Variants in ST6GALNAC5 observed in about 807,000 individuals in gnomAD.
ST6GALNAC5 encodes the protein ST6 N-acetylgalactosaminide alpha-2,6-sialyltransferase 5.
In ST6GALNAC5, 27 loss-of-function variants were observed where a neutral mutation model predicts 33.6. That is an observed-to-expected ratio of 0.80 (90% CI 0.59 to 1.11). The LOEUF is 1.11. ST6GALNAC5 is among the 50% of genes least tolerant of loss of function. The pLI is 0.00. For synonymous variants in ST6GALNAC5, 194 were observed against 171.2 expected, an observed-to-expected ratio of 1.13 and a Z score of -1.04; for missense variants, 428 against 454.0, an observed-to-expected ratio of 0.94 and a Z score of 0.52.
chr1:76,940,658 C>T (rs1374558013), intron 2 of ST6GALNAC5, among the ~76,000 whole-genome samples: 1 of 152,040 alleles, frequency 6.6e-6, no homozygotes, highest in African/African-American at 2.4e-5. Context: ...TTCTTTGCCC[C>T]AGCTAGAGAA....
At chr1:77,036,790 G>A (rs2100454244) in intron 2 of ST6GALNAC5, among the ~76,000 whole-genome samples, 1 of 152,372 alleles carries the variant, frequency 6.6e-6, no homozygotes, top group African/African-American at 2.4e-5. Context: ...AAGATACTGT[G>A]TGAATAACAC....
chr1:76,961,456 T>C (rs1173263664), intron 2 of ST6GALNAC5, among the ~76,000 whole-genome samples: 2 of 152,180 alleles, frequency 1.3e-5, no homozygotes, highest in African/African-American at 2.4e-5. Context: ...AGCCCATCAA[T>C]GGTTTTCATT....
In ST6GALNAC5 at chr1:76,985,909, G is replaced by T. The variant is rs543250973; in HGVS notation, c.262-58295G>T. On this transcript the variant is annotated intron_variant, in intron 2 of 4. Transcript: ENST00000477717. ...CTGACAAAAACAAGAAATGGGGAAA[G>T]AATTCCCTATTTAATAAATGGTGTT... 2.2e-3 allele frequency among the ~76,000 whole-genome samples: 334 copies of T among 152,268 alleles called. 1 individual carries two copies. The highest frequency in any genetic ancestry group is 3.4e-3 in the Middle Eastern group (1 of 294).
chr1:76,933,250 A>G (rs1020327107), intron 2 of ST6GALNAC5, among the ~76,000 whole-genome samples: 1 of 152,016 alleles, frequency 6.6e-6, no homozygotes. Flanking sequence ...ACAAAGGTCG[A>G]CATTCAGATC....
At chr1:77,014,662 A>G (rs6666796) in intron 2 of ST6GALNAC5, among the ~76,000 whole-genome samples, 40,137 of 152,048 alleles carry the variant, frequency 0.26, 5,587 homozygotes, top group African/African-American at 0.36. Flanking sequence ...AAGCAGAGAC[A>G]CAGACTCGGA....
At chr1:76,979,533 C>T (rs1432741390) in intron 2 of ST6GALNAC5, among the ~76,000 whole-genome samples, 1 of 152,128 alleles carries the variant, frequency 6.6e-6, no homozygotes, top group Non-Finnish European at 1.5e-5. Flanking sequence ...GGGGAAAGAG[C>T]AGCCTCTTCA....
rs1055154322 is a variant in ST6GALNAC5, at chr1:77,067,196, G to A, written c.*3990G>A. Among the ~76,000 whole-genome samples the A allele has an allele frequency of 6.6e-6, 1 of 152,164 alleles. No individual in the cohort carries two copies. Among genetic ancestry groups the A allele is most frequent in the Non-Finnish European group, 1.5e-5 (1 of 68,022 alleles). ...GTGTGAACCAATTGCCTAGGTGTTA[G>A]CACATGCCAGAAGGTACTTTGGAAT... On this transcript the variant is annotated 3_prime_UTR_variant, in exon 5 of 5. Coordinates refer to ENST00000477717, the MANE Select transcript of ST6GALNAC5 (RefSeq NM_030965.3).
intron 2 of ST6GALNAC5, among the ~76,000 whole-genome samples, chr1:76,923,524 CT>C (rs1434113996): frequency 6.6e-6 from 1 of 152,024 alleles, no homozygotes; most frequent in Non-Finnish European, 1.5e-5. Context: ...GAAACCCCGT[CT>C]GTACTAAAAA....
intron 2 of ST6GALNAC5, among the ~76,000 whole-genome samples, chr1:76,993,966 T>C (rs993312704): frequency 1.3e-5 from 2 of 152,206 alleles, no homozygotes; most frequent in Non-Finnish European, 2.9e-5. Flanking sequence ...TTTCACCTAA[T>C]ATTAGAGGGG....
At chr1:76,910,793 T>C (rs971045715) in intron 2 of ST6GALNAC5, among the ~76,000 whole-genome samples, 4 of 152,012 alleles carry the variant, frequency 2.6e-5, no homozygotes, top group African/African-American at 7.2e-5. Flanking sequence ...TGGAAATTTA[T>C]ATGCCTTTCA....
At chr1:76,880,760 G>T (rs1018414552) in intron 2 of ST6GALNAC5, among the ~76,000 whole-genome samples, 1 of 152,080 alleles carries the variant, frequency 6.6e-6, no homozygotes, top group Non-Finnish European at 1.5e-5. Flanking sequence ...ACACACCCAG[G>T]ATTAATACTT....
intron 2 of ST6GALNAC5, among the ~76,000 whole-genome samples, chr1:76,946,517 G>T (rs1647523520): frequency 6.6e-6 from 1 of 152,052 alleles, no homozygotes; most frequent in African/African-American, 2.4e-5. Flanking sequence ...GTCAAGAATG[G>T]TTCCAAGTAA....
intron 2 of ST6GALNAC5, among the ~76,000 whole-genome samples, chr1:76,989,901 T>C (rs1254025444): frequency 6.6e-6 from 1 of 152,152 alleles, no homozygotes; most frequent in Non-Finnish European, 1.5e-5. Context: ...AAATTGTTAG[T>C]AGTGTGTTCT....
At chr1:76,967,087 G>T (rs899606605) in intron 2 of ST6GALNAC5, among the ~76,000 whole-genome samples, 3 of 152,158 alleles carry the variant, frequency 2.0e-5, no homozygotes, top group African/African-American at 4.8e-5. Flanking sequence ...GCCAGCCTTT[G>T]GTATCAGGAT....
Position 76,944,137 on chromosome 1 carries a change from T to C in ST6GALNAC5, c.261+75395T>C, listed in dbSNP as rs1647429637. Among the ~76,000 whole-genome samples, 2 of 152,126 alleles carry C rather than the reference T, an allele frequency of 1.3e-5. 1 individual carries two copies. The highest frequency in any genetic ancestry group is 2.9e-5 in the Non-Finnish European group (2 of 67,996). ...GTTTTCATTCTGGTACATGCAAACA[T>C]GTTTCCTCTAAGGTGCAATGCCAGA... On this transcript the variant is annotated intron_variant, in intron 2 of 4. Transcript: ENST00000477717.
chr1:76,992,767 T>A (rs562571514), intron 2 of ST6GALNAC5, among the ~76,000 whole-genome samples: 12 of 152,328 alleles, frequency 7.9e-5, no homozygotes, highest in Non-Finnish European at 1.5e-4. Flanking sequence ...AGTGCTGGTA[T>A]TACAGGCATG....
chr1:76,875,013 C>A (rs143792067), intron 2 of ST6GALNAC5, among the ~76,000 whole-genome samples: 17 of 152,152 alleles, frequency 1.1e-4, no homozygotes, highest in African/African-American at 4.1e-4. Context: ...TGCTGATATG[C>A]AGTCAATACA....
At position 76,868,827 on chromosome 1, in the gene ST6GALNAC5, G is replaced by A. The variant is rs1653428347; in HGVS notation, c.261+85G>A. 1.4e-6 allele frequency: 2 copies of A among 1,429,764 alleles called. No homozygotes were observed. Among genetic ancestry groups the A allele is most frequent in the Non-Finnish European group, 9.1e-7 (1 of 1,098,000 alleles). The allele number at this position is 1,429,764 out of a possible 1,614,324, so 88.6% of individuals were successfully genotyped here. On this transcript the variant is annotated intron_variant, in intron 2 of 4. Transcript: ENST00000477717. This position sits in a 1 kb window ranked among gnomAD's most constrained non-coding sequence, Gnocchi z 4.3. ...CTTCCCCCTTTCCCGGGGCTGGGAG[G>A]CGCTGTGAGTAGGTGCCGTTCGAAG...
At chr1:77,061,969 A>T (rs1652591131) in intron 4 of ST6GALNAC5, among the ~76,000 whole-genome samples, 1 of 152,182 alleles carries the variant, frequency 6.6e-6, no homozygotes, top group South Asian at 2.1e-4. Flanking sequence ...AGGCCCTCTG[A>T]AGCATCAAAA....
Sources: allele counts gnomAD v4.1 joint callset (sites outside exome capture counted in the v4.1 genomes callset), GRCh38; gene constraint gnomAD v4.1.1; non-coding constraint Gnocchi (gnomAD v3.1); transcripts MANE v1.5; gene names NCBI Gene and HGNC (gene_info 2026-07-23, HGNC 2026-07-21).